The following TRMT1L variants were observed in gnomAD, a reference collection of about 807,000 sequenced individuals.
TRMT1L encodes the protein tRNA (guanine(27)-N(2))-dimethyltransferase.
In TRMT1L, 28 loss-of-function variants were observed where a neutral mutation model predicts 81.6. The observed-to-expected ratio is 0.34, with a 90% CI of 0.25 to 0.47. The LOEUF (loss-of-function observed/expected upper bound fraction) is 0.47. Ranked by LOEUF, TRMT1L falls within the 20% of genes least tolerant of loss-of-function variation. The probability of loss-of-function intolerance (pLI) is 1.00; values close to 1 mark genes in which losing one functional copy is unlikely to be tolerated. For synonymous variants in TRMT1L, 301 were observed against 303.2 expected, an observed-to-expected ratio of 0.99 and a Z score of 0.07; for missense variants, 739 against 877.1, an observed-to-expected ratio of 0.84 and a Z score of 1.99.
At chr1:185,139,251 A>G (rs998349253) in intron 9 of TRMT1L, 116 bp downstream of exon 9, 1 of 779,556 alleles carries the variant, frequency 1.3e-6, no homozygotes, top group African/African-American at 1.7e-5. Flanking sequence ...ATTACAGATA[A>G]GGAATACAGA....
chr1:185,144,966 A>C (rs1653151320), intron 5 of TRMT1L, among the ~76,000 whole-genome samples: 1 of 151,794 alleles, frequency 6.6e-6, no homozygotes, highest in Admixed American at 6.6e-5. Flanking sequence ...CACAGAGGAG[A>C]GAAGTTATTC....
At chr1:185,154,476 A>G (rs149799650) in intron 1 of TRMT1L, among the ~76,000 whole-genome samples, 102 of 152,364 alleles carry the variant, frequency 6.7e-4, no homozygotes, top group Admixed American at 1.1e-3. Context: ...GTTTCATAAA[A>G]ATCTTTTGCT....
intron 10 of TRMT1L, among the ~76,000 whole-genome samples, chr1:185,134,190 T>C (rs566040484): frequency 5.3e-5 from 8 of 152,132 alleles, no homozygotes; most frequent in Non-Finnish European, 1.0e-4. Context: ...CTTTTTTTTC[T>C]TTCTTTTTTT....
intron 11 of TRMT1L, 112 bp from the exon 12 acceptor site, chr1:185,125,222 T>TA (rs1652593511): frequency 1.6e-6 from 1 of 613,532 alleles, no homozygotes; most frequent in South Asian, 4.4e-5. Context: ...TATGACAGAG[T>TA]AATACTTAAA....
chr1:185,123,193 C>T (rs1421107912), intron 13 of TRMT1L, among the ~76,000 whole-genome samples: 1 of 152,100 alleles, frequency 6.6e-6, no homozygotes, highest in Non-Finnish European at 1.5e-5. Context: ...CATTAAACTG[C>T]TGAGCAACTA....
intron 5 of TRMT1L, among the ~76,000 whole-genome samples, chr1:185,144,242 G>A (rs892022630): frequency 4.0e-5 from 6 of 151,864 alleles, no homozygotes; most frequent in African/African-American, 1.2e-4. Flanking sequence ...CTCTACAAAA[G>A]AGTAACACTC....
intron 11 of TRMT1L, among the ~76,000 whole-genome samples, chr1:185,127,064 G>T (rs1215499751): frequency 1.3e-5 from 2 of 152,200 alleles, no homozygotes; most frequent in Non-Finnish European, 2.9e-5. Context: ...CCTTGGCTGT[G>T]GTATGAATTT....
intron 10 of TRMT1L, among the ~76,000 whole-genome samples, chr1:185,136,265 C>T (rs924890950): frequency 2.6e-5 from 4 of 151,836 alleles, no homozygotes; most frequent in Non-Finnish European, 4.4e-5. Context: ...AAAAAGTAGC[C>T]GGGCATGGTG....
chr1:185,125,118 GA>G lies in TRMT1L; in HGVS notation c.1593-9del. Reference sequence around the variant, plus strand: ...TTGAAAAGGGAACTTGACCTGAAAAGAAAAGAATATACAGAGAACTGGGTTT... The same window carrying G: ...TTGAAAAGGGAACTTGACCTGAAAAGAAAGAATATACAGAGAACTGGGTTT... On this transcript the variant is annotated splice_polypyrimidine_tract_variant and intron_variant, in intron 11 of 14. Transcript: ENST00000367506. 1 of 1,598,498 alleles carries G rather than the reference GA, an allele frequency of 6.3e-7. No individual in the cohort carries two copies. The highest frequency in any genetic ancestry group is 8.5e-7 in the Non-Finnish European group (1 of 1,172,828).
rs767549216 is a variant in TRMT1L, at chr1:185,145,428, G to C, written c.655+11C>G. 1.9e-5 allele frequency: 30 copies of C among 1,605,062 alleles called. No homozygotes were observed. The highest frequency in any genetic ancestry group is 2.6e-5 in the Non-Finnish European group (30 of 1,174,082). On this transcript the variant is annotated intron_variant, in intron 5 of 14. Coordinates refer to ENST00000367506, the MANE Select transcript of TRMT1L (RefSeq NM_030934.5). ...TACATATTAATATGTTAATGAGATTGCTCAACTTACCTGCAATATAACTAG... is the reference window on the plus strand; with the variant it reads ...TACATATTAATATGTTAATGAGATTCCTCAACTTACCTGCAATATAACTAG...
intron 10 of TRMT1L, among the ~76,000 whole-genome samples, chr1:185,129,599 G>C (rs891037014): frequency 6.6e-6 from 1 of 152,158 alleles, no homozygotes. Flanking sequence ...TTCTTGAAAT[G>C]GCCTGACCTA....
intron 1 of TRMT1L, among the ~76,000 whole-genome samples, chr1:185,152,959 A>T (rs1159400890): frequency 6.6e-6 from 1 of 152,222 alleles, no homozygotes; most frequent in African/African-American, 2.4e-5. Context: ...TAAGTAACAC[A>T]TTAGGTGAAA....
intron 6 of TRMT1L, among the ~76,000 whole-genome samples, 165 bp from the exon 7 acceptor site, chr1:185,143,601 G>A (rs1290406643): frequency 6.6e-6 from 1 of 152,076 alleles, no homozygotes; most frequent in Non-Finnish European, 1.5e-5. Flanking sequence ...CTAAAAATAT[G>A]TGAAATTAAA....
At position 185,150,919 on chromosome 1, in the gene TRMT1L, A is replaced by G. The variant is rs570108162; in HGVS notation, c.347-427T>C. 5.3e-5 allele frequency among the ~76,000 whole-genome samples: 8 copies of G among 152,356 alleles called. 1 individual carries two copies. In the East Asian group the frequency reaches 1.5e-3, roughly 29 times the overall value. On this transcript the variant is annotated intron_variant, in intron 2 of 14. Transcript: ENST00000367506. ...GTATTCCTCTACTAAACTGGCAACA[A>G]CAAAAACAGTTAACATGTGGAGTTA...
At position 185,139,360 on chromosome 1, in the gene TRMT1L, T is replaced by A. The variant is rs765863460; in HGVS notation, c.1322+7A>T. 1.2e-6 allele frequency: 2 copies of A among 1,609,762 alleles called. No individual in the cohort carries two copies. The highest frequency in any genetic ancestry group is 2.7e-5 in the African/African-American group (2 of 74,874). On this transcript the variant is annotated splice_region_variant and intron_variant, in intron 9 of 14. Coordinates refer to ENST00000367506, the MANE Select transcript of TRMT1L (RefSeq NM_030934.5). ...ACACACTAAGTACACTGTTGGCAAT[T>A]TGGTACCTTGCCACTGCAGCTACAA...
At chr1:185,128,056 G>A (rs1051691741) in intron 11 of TRMT1L, among the ~76,000 whole-genome samples, 1 of 152,064 alleles carries the variant, frequency 6.6e-6, no homozygotes, top group Non-Finnish European at 1.5e-5. Flanking sequence ...GGAGGTTGCA[G>A]TGAGCCGATA....
At chr1:185,153,449 A>C (rs1375282386) in intron 1 of TRMT1L, among the ~76,000 whole-genome samples, 2 of 152,194 alleles carry the variant, frequency 1.3e-5, no homozygotes, top group Non-Finnish European at 2.9e-5. Flanking sequence ...AAGCCAAGGG[A>C]GAAGAGTCTA....
chr1:185,118,587 T>A lies in TRMT1L; in HGVS notation c.*1432A>T, dbSNP rs942954249. On this transcript the variant is annotated 3_prime_UTR_variant, in exon 15 of 15. Coordinates refer to ENST00000367506, the MANE Select transcript of TRMT1L (RefSeq NM_030934.5). ...CTCATTTGCAAGTTATAATTTTAACTGGCAAGAATTACACAGCAGAATTTT... is the reference window on the plus strand; with the variant it reads ...CTCATTTGCAAGTTATAATTTTAACAGGCAAGAATTACACAGCAGAATTTT... The A allele has an allele frequency of 6.6e-5, 10 of 152,198 alleles. No individual in the cohort carries two copies. Among genetic ancestry groups the A allele is most frequent in the Admixed American group, 6.6e-4 (10 of 15,266 alleles). The allele number at this position is 152,198 out of a possible 1,614,324, so 9.4% of individuals were successfully genotyped here. A position where few individuals can be genotyped will look rare whatever the true frequency, so the allele number is the denominator to read the frequency against.
chr1:185,124,879 T>C lies in TRMT1L; in HGVS notation c.1759+65A>G. On this transcript the variant is annotated intron_variant, in intron 12 of 14. Transcript: ENST00000367506. ...GGTTTTATTATAACATCAAATACAA[T>C]TGAAAAAGATACAGTATTTTTGGTA... 2.8e-6 allele frequency: 4 copies of C among 1,418,366 alleles called. No individual in the cohort carries two copies. In the South Asian group the frequency reaches 4.3e-5, roughly 15 times the overall value. The allele number at this position is 1,418,366 out of a possible 1,614,324, so 87.9% of individuals were successfully genotyped here. A position where few individuals can be genotyped will look rare whatever the true frequency, so the allele number is the denominator to read the frequency against.
Sources: allele counts gnomAD v4.1 joint callset (sites outside exome capture counted in the v4.1 genomes callset), GRCh38; gene constraint gnomAD v4.1.1; transcripts MANE v1.5; gene names NCBI Gene and HGNC (gene_info 2026-07-23, HGNC 2026-07-21).